The following DPP8 variants were observed in gnomAD, a reference collection of about 807,000 sequenced individuals.
The protein encoded by DPP8 is dipeptidyl peptidase 8, also known as DPP VIII.
DPP8 carries 31 observed loss-of-function variants against 107.5 expected under a neutral mutation model. The observed-to-expected ratio is 0.29, with a 90% confidence interval of 0.22 to 0.39. The LOEUF is 0.39. Ranked by LOEUF, DPP8 falls within the 10% of genes least tolerant of loss-of-function variation. The pLI is 1.00. For synonymous variants in DPP8, 381 were observed against 356.6 expected (o/e 1.07, Z -0.77); for missense variants, 842 against 1,076.1 (o/e 0.78, Z 3.04).
At chr15:65,462,861 G>A (rs2065037451) in intron 15 of DPP8, among the ~76,000 whole-genome samples, 1 of 152,154 alleles carries the variant, frequency 6.6e-6, no homozygotes, top group Non-Finnish European at 1.5e-5. Flanking sequence ...TTACAGGCGT[G>A]AGCCACTGCG....
Position 65,454,245 on chromosome 15 carries a change from T to A in DPP8, c.2271+18A>T. On this transcript the variant is annotated intron_variant, in intron 17 of 19. Transcript: ENST00000300141. ...TCTACCCTTATTGCAAAAATGAGTA[T>A]AATAGGAAGTCACATACCCTGAAGA... The A allele has an allele frequency of 6.7e-7, 1 of 1,482,452 alleles. No individual in the cohort carries two copies. The highest frequency in any genetic ancestry group is 1.4e-5 in the South Asian group (1 of 69,662). 91.8% of individuals were successfully genotyped at this position (1,482,452 alleles called of 1,614,324 possible). A position where few individuals can be genotyped will look rare whatever the true frequency, so the allele number is the denominator to read the frequency against.
At chr15:65,455,113 G>T (rs1343155825) in intron 16 of DPP8, among the ~76,000 whole-genome samples, 1 of 152,098 alleles carries the variant, frequency 6.6e-6, no homozygotes, top group Non-Finnish European at 1.5e-5. Flanking sequence ...AGCCCCTTAA[G>T]TAATTAATTT....
intron 12 of DPP8, among the ~76,000 whole-genome samples, chr15:65,468,764 C>A (rs974917346): frequency 6.6e-6 from 1 of 152,062 alleles, no homozygotes; most frequent in East Asian, 1.9e-4. Context: ...GGACTCATTC[C>A]GTTTTGACCT....
rs200407222 is a variant in DPP8 at position 65,482,201 on chromosome 15, TAAATA to T, written c.1018-591_1018-587del. On this transcript the variant is annotated intron_variant, in intron 8 of 19. Coordinates refer to ENST00000300141, the MANE Select transcript of DPP8 (RefSeq NM_130434.5). ...GTAAGGTGTGTGCTTGTAATGAAAT[TAAATA>T]AAATATTAATTTTTAAATTTTTTGT... Among the ~76,000 whole-genome samples, 451 of 151,994 alleles carry T rather than the reference TAAATA, an allele frequency of 3.0e-3. 2 individuals carry two copies. Among genetic ancestry groups the T allele is most frequent in the African/African-American group, 0.01 (423 of 41,444 alleles).
At chr15:65,515,326 C>G (rs1290287941) in intron 1 of DPP8, among the ~76,000 whole-genome samples, 1 of 152,140 alleles carries the variant, frequency 6.6e-6, no homozygotes, top group Admixed American at 6.6e-5. Context: ...GTACTAAGCC[C>G]TGGACACTCT....
intron 10 of DPP8, 110 bp from the exon 11 acceptor site, chr15:65,479,149 A>G: frequency 1.4e-6 from 1 of 691,212 alleles, no homozygotes; most frequent in East Asian, 3.4e-5. Flanking sequence ...ATAAATAACC[A>G]TCAATGCCAA....
chr15:65,451,173 A>C, intron 18 of DPP8, 63 bp from the exon 19 acceptor site: 1 of 950,484 alleles, frequency 1.1e-6, no homozygotes, highest in South Asian at 1.3e-5. Context: ...AAACCATTTC[A>C]CTTATTTAAT....
At chr15:65,490,486 G>A (rs1194053969) in intron 5 of DPP8, among the ~76,000 whole-genome samples, 187 bp from the exon 6 acceptor site, 3 of 152,138 alleles carry the variant, frequency 2.0e-5, no homozygotes, top group Admixed American at 6.6e-5. Flanking sequence ...TCATTCCACT[G>A]CAGTATCCCA....
chr15:65,452,463 A>T (rs1284308061), intron 17 of DPP8, among the ~76,000 whole-genome samples: 2 of 151,908 alleles, frequency 1.3e-5, no homozygotes, highest in Non-Finnish European at 1.5e-5. Flanking sequence ...TTTTTTTTTT[A>T]AGCCTCTGTT....
At chr15:65,490,332 A>C in intron 5 of DPP8, 33 bp from the exon 6 acceptor site, 1 of 1,336,382 alleles carries the variant, frequency 7.5e-7, no homozygotes, top group Non-Finnish European at 1.1e-6. Flanking sequence ...ATTATCACAG[A>C]AAGCTATCTT....
At chr15:65,461,967 ACTTC>A (rs950856368) in intron 15 of DPP8, among the ~76,000 whole-genome samples, 6 of 151,462 alleles carry the variant, frequency 4.0e-5, no homozygotes, top group African/African-American at 9.7e-5. Context: ...CTAAAATTTA[ACTTC>A]CTTTCTTTCT....
chr15:65,516,522 G>C (rs1333381582), intron 1 of DPP8: 1 of 152,196 alleles, frequency 6.6e-6, no homozygotes, highest in African/African-American at 2.4e-5. Flanking sequence ...GTGATGAAGG[G>C]ATGGGGTGGG....
chr15:65,466,536 C>G (rs7496362), intron 14 of DPP8, 142 bp downstream of exon 14: 288,845 of 696,290 alleles, frequency 0.41, 63,108 homozygotes, highest in East Asian at 0.71. Flanking sequence ...GAAGAGGGAT[C>G]TATCAGGAGC....
chr15:65,469,962 C>T (rs1026702062), intron 12 of DPP8, among the ~76,000 whole-genome samples: 4 of 151,138 alleles, frequency 2.6e-5, no homozygotes, highest in African/African-American at 9.7e-5. Context: ...TTTGGGAGGC[C>T]AAAGCAAGAG....
At chr15:65,504,616 C>T (rs1196617010) in intron 3 of DPP8, among the ~76,000 whole-genome samples, 2 of 139,092 alleles carry the variant, frequency 1.4e-5, no homozygotes, top group Non-Finnish European at 3.0e-5. Context: ...TTGCAGTGAG[C>T]TGAGAACGCG....
intron 15 of DPP8, among the ~76,000 whole-genome samples, chr15:65,461,183 C>T (rs1206930029): frequency 6.6e-6 from 1 of 152,178 alleles, no homozygotes; most frequent in Non-Finnish European, 1.5e-5. Context: ...CTTGCTCTGT[C>T]ACCCAGGCTG....
chr15:65,471,656 T>A (rs1403158303), intron 12 of DPP8, among the ~76,000 whole-genome samples: 1 of 151,930 alleles, frequency 6.6e-6, no homozygotes, highest in Non-Finnish European at 1.5e-5. Flanking sequence ...CTGCCTAATT[T>A]AAAATTTTTT....
chr15:65,515,653 T>C, intron 1 of DPP8: 5 of 1,613,790 alleles, frequency 3.1e-6, no homozygotes, highest in Non-Finnish European at 3.4e-6. Context: ...CCCTGGTGCC[T>C]ACCTGATTTT....
intron 3 of DPP8, among the ~76,000 whole-genome samples, chr15:65,505,394 G>C (rs1309309296): frequency 2.0e-5 from 3 of 151,862 alleles, no homozygotes; most frequent in African/African-American, 7.3e-5. Flanking sequence ...GCTGTGGGGG[G>C]TTGTGAGGGG....
Sources: gnomAD v4.1 joint callset for allele counts (sites outside exome capture counted in the v4.1 genomes callset) on GRCh38, gnomAD v4.1.1 for gene constraint, MANE v1.5 for transcripts, NCBI Gene and HGNC (gene_info 2026-07-23, HGNC 2026-07-21) for gene names.